Variants in PACRG observed in about 807,000 individuals in gnomAD.
The protein encoded by PACRG is parkin coregulated gene protein.
A neutral mutation model predicts 29.7 loss-of-function variants in PACRG; 29 were observed. The ratio of observed to expected loss-of-function variants is 0.98; its 90% CI spans 0.73 to 1.33. The LOEUF (loss-of-function observed/expected upper bound fraction) is 1.33. PACRG is among the 40% of genes most tolerant of loss of function. The pLI is 0.00. For synonymous variants in PACRG, 116 were observed against 118.7 expected, an observed-to-expected ratio of 0.98 and a Z score of 0.15; for missense variants, 279 against 316.2, an observed-to-expected ratio of 0.88 and a Z score of 0.89.
At chr6:163,273,647 T>A (rs1783922014) in intron 4 of PACRG, among the ~76,000 whole-genome samples, 1 of 152,152 alleles carries the variant, frequency 6.6e-6, no homozygotes, top group African/African-American at 2.4e-5. Context: ...TTCTTTTAAT[T>A]CTCTTAATTT....
chr6:162,917,960 G>T (rs953566430), intron 2 of PACRG, among the ~76,000 whole-genome samples: 1 of 152,280 alleles, frequency 6.6e-6, no homozygotes, highest in South Asian at 2.1e-4. Context: ...TTTACAAGGT[G>T]CAAACTGTGT....
chr6:163,269,877 GAA>G (rs59491384), intron 4 of PACRG, among the ~76,000 whole-genome samples: 640 of 34,026 alleles, frequency 0.019, 88 homozygotes, highest in East Asian at 0.026. Context: ...GAGAAAGAAA[GAA>G]AGAAAGAAAG....
chr6:162,730,682 A>T (rs957633934), intron 1 of PACRG, among the ~76,000 whole-genome samples: 2 of 152,178 alleles, frequency 1.3e-5, no homozygotes, highest in Admixed American at 1.3e-4. Flanking sequence ...AAATGGCAAA[A>T]TTTTTAAAAT....
At chr6:163,075,869 C>G (rs2128284321) in intron 3 of PACRG, among the ~76,000 whole-genome samples, 1 of 152,320 alleles carries the variant, frequency 6.6e-6, no homozygotes, top group Non-Finnish European at 1.5e-5. Context: ...TCTGACTGTG[C>G]AACCTGTCTG....
At chr6:163,167,891 C>A (rs1778888005) in intron 4 of PACRG, among the ~76,000 whole-genome samples, 2 of 152,202 alleles carry the variant, frequency 1.3e-5, no homozygotes, top group Non-Finnish European at 2.9e-5. Flanking sequence ...TTAGACAGCA[C>A]ACAAAAGTGA....
rs1179881266 is a variant in PACRG at position 162,728,273 on chromosome 6, G to A, written c.38G>A (p.Cys13Tyr). ...AAAGAGACCCTGAGCTTAAACAAAT[G>A]CCCAGACAAGATGCCGAAGAGGACC... The part of the protein sequence containing the change: ...AEKETLSLNK[C>Y]PDKMPKRTKL... The change falls in exon 1 of 5, where the codon TGC (cysteine) becomes TAC (tyrosine). Residue 13 changes from cysteine to tyrosine, a missense_variant. By Grantham distance (194) the Cys-to-Tyr change is radical. Coordinates refer to ENST00000366888, the MANE Select transcript of PACRG (RefSeq NM_001080379.2). 2 of 1,613,980 alleles carry A rather than the reference G, an allele frequency of 1.2e-6. No homozygotes were observed. Among genetic ancestry groups the A allele is most frequent in the Non-Finnish European group, 1.7e-6 (2 of 1,180,020 alleles).
chr6:163,013,512 A>C (rs1162930630), intron 2 of PACRG, among the ~76,000 whole-genome samples: 1 of 150,670 alleles, frequency 6.6e-6, no homozygotes, highest in Non-Finnish European at 1.5e-5. Flanking sequence ...TCCCTTCTGA[A>C]GTTACCCTCA....
intron 4 of PACRG, among the ~76,000 whole-genome samples, chr6:163,112,921 T>G (rs1259411634): frequency 6.6e-6 from 1 of 152,126 alleles, no homozygotes; most frequent in Non-Finnish European, 1.5e-5. Flanking sequence ...AAACAACAGA[T>G]AGTAGACATT....
At chr6:163,119,683 T>G (rs1816179178) in intron 4 of PACRG, among the ~76,000 whole-genome samples, 1 of 152,210 alleles carries the variant, frequency 6.6e-6, no homozygotes, top group African/African-American at 2.4e-5. Flanking sequence ...ATTGAGTTGT[T>G]GAAGATGGTT....
At chr6:163,169,979 G>C (rs1778995776) in intron 4 of PACRG, among the ~76,000 whole-genome samples, 1 of 152,190 alleles carries the variant, frequency 6.6e-6, no homozygotes, top group Non-Finnish European at 1.5e-5. Flanking sequence ...TCTGTGTGTT[G>C]TTGTCTGTGT....
At chr6:163,001,638 G>C (rs975282046) in intron 2 of PACRG, among the ~76,000 whole-genome samples, 5 of 151,802 alleles carry the variant, frequency 3.3e-5, no homozygotes, top group Non-Finnish European at 7.4e-5. Flanking sequence ...TCATTTATAC[G>C]GTATAATTGT....
intron 1 of PACRG, among the ~76,000 whole-genome samples, chr6:162,812,394 A>G (rs1183163876): frequency 6.6e-6 from 1 of 152,126 alleles, no homozygotes; most frequent in Non-Finnish European, 1.5e-5. Flanking sequence ...ATGCACATAC[A>G]TATTTGCACT....
At chr6:163,044,969 A>T (rs1809180072) in intron 2 of PACRG, among the ~76,000 whole-genome samples, 1 of 152,262 alleles carries the variant, frequency 6.6e-6, no homozygotes. Context: ...CCAATGAATG[A>T]AAGCATTCAG....
At chr6:162,756,016 A>G (rs1469293673) in intron 1 of PACRG, among the ~76,000 whole-genome samples, 1 of 152,118 alleles carries the variant, frequency 6.6e-6, no homozygotes, top group Non-Finnish European at 1.5e-5. Context: ...AAAATACTTA[A>G]TATTATTTCA....
At position 162,739,190 on chromosome 6, in the gene PACRG, T is replaced by C. The variant is rs574160402; in HGVS notation, c.156+10799T>C. Among the ~76,000 whole-genome samples, 3 of 152,358 alleles carry C rather than the reference T, an allele frequency of 2.0e-5. No homozygotes were observed. In the East Asian group the frequency reaches 5.8e-4, roughly 29 times the overall value. On this transcript the variant is annotated intron_variant, in intron 1 of 4. Coordinates refer to ENST00000366888, the MANE Select transcript of PACRG (RefSeq NM_001080379.2). ...AATTGTTGGTATCAGACTAAAATTG[T>C]ACCAATCTGAAGTATATGAAATAAT... is the stretch of plus-strand genomic sequence containing the variant.
chr6:163,062,300 C>G lies in PACRG; in HGVS notation c.442C>G (p.Gln148Glu). 1 of 1,613,540 alleles carries G rather than the reference C, an allele frequency of 6.2e-7. No individual in the cohort carries two copies. Among genetic ancestry groups the G allele is most frequent in the Non-Finnish European group, 8.5e-7 (1 of 1,179,812 alleles). The change falls in exon 3 of 5, where the codon CAG (glutamine) becomes GAG (glutamate). Residue 148 changes from glutamine (Q) to glutamate (E), a missense_variant. By Grantham distance (29) the Gln-to-Glu change is conservative. Transcript: ENST00000366888. ...GGNKILPVLPQLIIPIKNALN... is the reference protein window; with the variant it reads ...GGNKILPVLPELIIPIKNALN... ...GAACAAGATCCTACCTGTCCTTCCA[C>G]AGCTCATTATCCCGATAAAAAGTAA...
intron 3 of PACRG, among the ~76,000 whole-genome samples, chr6:163,067,350 G>A (rs1464137899): frequency 6.6e-6 from 1 of 152,222 alleles, no homozygotes; most frequent in East Asian, 1.9e-4. Context: ...ACGAGAGCCA[G>A]GCGTGGGACA....
intron 2 of PACRG, among the ~76,000 whole-genome samples, chr6:162,985,485 G>C (rs1802808604): frequency 2.6e-5 from 4 of 151,956 alleles, no homozygotes; most frequent in Admixed American, 2.6e-4. Flanking sequence ...TGCAGAAAAA[G>C]CTTTTTGACA....
chr6:162,852,835 T>C (rs781418019), intron 2 of PACRG, among the ~76,000 whole-genome samples: 6 of 152,212 alleles, frequency 3.9e-5, no homozygotes, highest in Non-Finnish European at 2.9e-5. Flanking sequence ...TAGCAATTCA[T>C]TAATCAATAA....
Sources: gnomAD v4.1 joint callset for allele counts (sites outside exome capture counted in the v4.1 genomes callset) on GRCh38, gnomAD v4.1.1 for gene constraint, MANE v1.5 for transcripts, NCBI Gene and HGNC (gene_info 2026-07-23, HGNC 2026-07-21) for gene names.